The following XPR1 variants were observed in gnomAD, a reference collection of about 807,000 sequenced individuals.
The protein encoded by XPR1 is xenotropic and polytropic retrovirus receptor 1.
A neutral mutation model predicts 87.5 loss-of-function variants in XPR1; 28 were observed. That is an observed-to-expected ratio of 0.32 (90% confidence interval 0.24 to 0.44). The LOEUF is 0.44. Among genes scored for constraint, XPR1 ranks in the 20% least tolerant of loss-of-function variants. XPR1 has a pLI of 1.00. For missense variants in XPR1, 559 were observed against 862.3 expected, an observed-to-expected ratio of 0.65 and a Z score of 4.41; for synonymous variants, 300 against 306.1, an observed-to-expected ratio of 0.98 and a Z score of 0.21.
At chr1:180,831,720 A>G (rs1202269035) in intron 9 of XPR1, among the ~76,000 whole-genome samples, 8 of 152,146 alleles carry the variant, frequency 5.3e-5, no homozygotes, top group Non-Finnish European at 7.3e-5. Context: ...TGCAAAGGAC[A>G]TGAACTCATC....
intron 1 of XPR1, among the ~76,000 whole-genome samples, chr1:180,648,344 G>A (rs1414332470): frequency 6.6e-6 from 1 of 152,204 alleles, no homozygotes; most frequent in East Asian, 1.9e-4. Flanking sequence ...CTATGTGAGA[G>A]TCTCTCATTT....
chr1:180,665,999 G>A (rs1655948036), intron 1 of XPR1, among the ~76,000 whole-genome samples: 1 of 152,004 alleles, frequency 6.6e-6, no homozygotes, highest in Admixed American at 6.6e-5. Context: ...GTTAGGTAAG[G>A]GTCCACCTTC....
At chr1:180,743,532 A>C (rs575883951) in intron 2 of XPR1, among the ~76,000 whole-genome samples, 70 of 152,272 alleles carry the variant, frequency 4.6e-4, no homozygotes, top group Admixed American at 1.2e-3. Flanking sequence ...TATAGAACTC[A>C]AGAAGAATAG....
rs1571261345 is a variant in XPR1, at chr1:180,886,180, C to G, written c.*2114C>G. The G allele has an allele frequency of 1.3e-5, 2 of 152,136 alleles. No homozygotes were observed. The highest frequency in any genetic ancestry group is 3.8e-4 in the East Asian group (2 of 5,202). 9.4% of individuals were successfully genotyped at this position (152,136 alleles called of 1,614,324 possible). On this transcript the variant is annotated 3_prime_UTR_variant, in exon 15 of 15. Coordinates refer to ENST00000367590, the MANE Select transcript of XPR1 (RefSeq NM_004736.4). ...TAGGTTAAAGGTTGCATTATTTATA[C>G]TTGAGATTTTTTTCCCCTAACTATT... is the stretch of plus-strand genomic sequence containing the variant.
In XPR1 at chr1:180,873,824, A is replaced by T. The variant is rs758405959; in HGVS notation, c.1690A>T (p.Ile564Leu). The T allele has an allele frequency of 1.9e-6, 3 of 1,613,982 alleles. No individual in the cohort carries two copies. Among genetic ancestry groups the T allele is most frequent in the South Asian group, 2.2e-5 (2 of 90,982 alleles). The change falls in exon 13 of 15, where the codon ATA (isoleucine) becomes TTA (leucine). Residue 564 changes from isoleucine to leucine, a missense_variant. This residue lies in a region of XPR1 where 264 missense variants were observed against 377.2 expected (regional missense o/e 0.70). Transcript: ENST00000367590. ...TCAGGCCTACTACTACTGTGCCATA[A>T]TAGAGGATGTGATTCTGCGCTTTGC... is the stretch of plus-strand genomic sequence containing the variant. ...PQKAYYYCAIIEDVILRFAWT... is the reference protein window; with the variant it reads ...PQKAYYYCAILEDVILRFAWT...
At chr1:180,634,062 A>C (rs576759592) in intron 1 of XPR1, among the ~76,000 whole-genome samples, 2 of 152,120 alleles carry the variant, frequency 1.3e-5, no homozygotes, top group Non-Finnish European at 2.9e-5. Context: ...TGAAAATGCA[A>C]CCCTCTTAAT....
At chr1:180,805,353 C>T (rs903381783) in intron 4 of XPR1, among the ~76,000 whole-genome samples, 1 of 152,134 alleles carries the variant, frequency 6.6e-6, no homozygotes, top group Non-Finnish European at 1.5e-5. Flanking sequence ...AGCTTTTTTG[C>T]ATGCTGGGCA....
intron 2 of XPR1, among the ~76,000 whole-genome samples, chr1:180,743,759 A>C (rs114521576): frequency 1.3e-5 from 2 of 152,068 alleles, no homozygotes; most frequent in African/African-American, 4.8e-5. Context: ...TTTTCAATGG[A>C]TATGTATTCT....
intron 1 of XPR1, among the ~76,000 whole-genome samples, chr1:180,664,250 C>T (rs1193007375): frequency 1.3e-5 from 2 of 152,316 alleles, no homozygotes; most frequent in Non-Finnish European, 1.5e-5. Context: ...CCGGCTTACA[C>T]GTGAAGCCAG....
intron 2 of XPR1, among the ~76,000 whole-genome samples, chr1:180,719,535 A>G (rs1658109717): frequency 6.6e-6 from 1 of 152,168 alleles, no homozygotes; most frequent in South Asian, 2.1e-4. Context: ...TTCTTGCAGC[A>G]ATTTAAAGAT....
chr1:180,824,705 G>A, intron 7 of XPR1, 48 bp from the exon 8 acceptor site: 4 of 1,463,796 alleles, frequency 2.7e-6, no homozygotes, highest in Non-Finnish European at 3.7e-6. Context: ...ATTAATTCAA[G>A]GGAAGTTATG....
intron 1 of XPR1, among the ~76,000 whole-genome samples, chr1:180,655,400 C>CTT (rs994780324): frequency 1.5e-3 from 195 of 131,378 alleles, no homozygotes; most frequent in Middle Eastern, 3.9e-3. Flanking sequence ...CTCTCTCTCT[C>CTT]TTTTTTTTTT....
At position 180,766,555 on chromosome 1, in the gene XPR1, G is replaced by A. The variant is rs564625821; in HGVS notation, c.122-21198G>A. Among the ~76,000 whole-genome samples the A allele has an allele frequency of 7.9e-5, 12 of 152,044 alleles. No homozygotes were observed. In the South Asian group the frequency reaches 8.3e-4, roughly 11 times the overall value. On this transcript the variant is annotated intron_variant, in intron 2 of 14. Coordinates refer to ENST00000367590, the MANE Select transcript of XPR1 (RefSeq NM_004736.4). ...AAAAAGTATTTTAGAAGAAATTGTC[G>A]TCACAATCATAAGTGAGTTATTGTA...
intron 1 of XPR1, among the ~76,000 whole-genome samples, chr1:180,645,831 G>T (rs1655102598): frequency 6.6e-6 from 1 of 152,172 alleles, no homozygotes; most frequent in Non-Finnish European, 1.5e-5. Context: ...TCAACATTTG[G>T]AAGTGACCTC....
chr1:180,655,798 CTGAG>C (rs1655440679), intron 1 of XPR1, among the ~76,000 whole-genome samples: 1 of 151,826 alleles, frequency 6.6e-6, no homozygotes, highest in Non-Finnish European at 1.5e-5. Context: ...TCCTTGATTA[CTGAG>C]TACCATCTTT....
chr1:180,690,423 C>T (rs747047096), intron 2 of XPR1, among the ~76,000 whole-genome samples: 9 of 152,044 alleles, frequency 5.9e-5, no homozygotes, highest in Non-Finnish European at 1.0e-4. Flanking sequence ...AAGAACATGA[C>T]GGTGAGTTTT....
chr1:180,679,381 CG>C, intron 1 of XPR1, among the ~76,000 whole-genome samples: 1 of 152,188 alleles, frequency 6.6e-6, no homozygotes, highest in East Asian at 1.9e-4. Flanking sequence ...TGTTATCTAA[CG>C]GGTCTCTAGA....
intron 2 of XPR1, among the ~76,000 whole-genome samples, chr1:180,710,786 G>GCC (rs1657741770): frequency 6.6e-6 from 1 of 150,546 alleles, no homozygotes; most frequent in South Asian, 2.1e-4. Context: ...CCGGGCAGAG[G>GCC]CGCCCCCCCA....
intron 11 of XPR1, among the ~76,000 whole-genome samples, chr1:180,860,311 A>G (rs1240334850): frequency 6.6e-6 from 1 of 152,172 alleles, no homozygotes; most frequent in Non-Finnish European, 1.5e-5. Context: ...AAAGATTTTC[A>G]TAAAGTTAAA....
Sources: gnomAD v4.1 joint callset for allele counts (sites outside exome capture counted in the v4.1 genomes callset) on GRCh38, gnomAD v4.1.1 for gene constraint, gnomAD v4.1.1 regional missense constraint, MANE v1.5 for transcripts, NCBI Gene and HGNC (gene_info 2026-07-23, HGNC 2026-07-21) for gene names.